Variants in TLE1 observed in about 807,000 individuals in gnomAD.
TLE1 encodes TLE family member 1, transcriptional corepressor.
A neutral mutation model predicts 89.8 loss-of-function variants in TLE1; 21 were observed. The ratio of observed to expected loss-of-function variants is 0.23; its 90% CI spans 0.17 to 0.34. The LOEUF is 0.34. Among genes scored for constraint, TLE1 ranks in the 10% least tolerant of loss-of-function variants. The pLI, the probability that TLE1 is intolerant of heterozygous loss-of-function variation, is 1.00. For missense variants in TLE1, 795 were observed against 1,031.2 expected (o/e 0.77, Z 3.14); for synonymous variants, 447 against 407.6 (o/e 1.10, Z -1.16).
At chr9:81,642,544 AT>A (rs1828262368) in intron 6 of TLE1, among the ~76,000 whole-genome samples, 1 of 140,924 alleles carries the variant, frequency 7.1e-6, no homozygotes, top group South Asian at 2.2e-4. Flanking sequence ...AAAAAAAAAA[AT>A]TAGCCAGGCA....
intron 4 of TLE1, among the ~76,000 whole-genome samples, chr9:81,661,963 TG>T (rs950855715): frequency 6.6e-5 from 10 of 152,192 alleles, no homozygotes; most frequent in East Asian, 5.8e-4. Context: ...GGAAGGCAAC[TG>T]GGCAATGTGT....
At position 81,688,263 on chromosome 9, in the gene TLE1, C is replaced by G; in HGVS notation, c.-23G>C. 1 of 1,569,292 alleles carries G rather than the reference C, an allele frequency of 6.4e-7. No individual in the cohort carries two copies. Among genetic ancestry groups the G allele is most frequent in the Non-Finnish European group, 8.6e-7 (1 of 1,161,118 alleles). On this transcript the variant is annotated 5_prime_UTR_variant, in exon 1 of 20. Transcript: ENST00000376499. ...CATCGCTCTGGCGGCGGCCGGGGCT[C>G]TGTTCCCCGGCAACTCAATTCTCCG... is the stretch of plus-strand genomic sequence containing the variant.
chr9:81,595,797 C>T (rs1397875186), intron 14 of TLE1, among the ~76,000 whole-genome samples: 10 of 127,296 alleles, frequency 7.9e-5, no homozygotes, highest in African/African-American at 2.1e-4. Context: ...CCAGCCTGGG[C>T]GACAGAGACT....
intron 2 of TLE1, 38 bp from the exon 3 acceptor site, chr9:81,685,934 T>C (rs773254946): frequency 1.9e-6 from 3 of 1,605,168 alleles, no homozygotes; most frequent in East Asian, 2.2e-5. Context: ...GTAAACATTA[T>C]GTCACTTGTT....
intron 16 of TLE1, among the ~76,000 whole-genome samples, chr9:81,588,466 C>G (rs115939653): frequency 1.8e-3 from 272 of 152,290 alleles, no homozygotes; most frequent in African/African-American, 6.3e-3. Context: ...CTCCTGACCT[C>G]AGAGGCATTG....
intron 8 of TLE1, chr9:81,621,070 G>A (rs1385855140): frequency 4.1e-6 from 1 of 242,534 alleles, no homozygotes; most frequent in Non-Finnish European, 8.4e-6. Flanking sequence ...GAACTCTTTT[G>A]AATTCTTTTA....
intron 4 of TLE1, among the ~76,000 whole-genome samples, chr9:81,668,151 G>C (rs1831733176): frequency 7.1e-6 from 1 of 141,624 alleles, no homozygotes; most frequent in Admixed American, 7.3e-5. Context: ...CTGGGCGACA[G>C]AACAAGACTG....
At chr9:81,639,848 T>A (rs1030610613) in intron 6 of TLE1, among the ~76,000 whole-genome samples, 2 of 152,158 alleles carry the variant, frequency 1.3e-5, no homozygotes, top group Non-Finnish European at 2.9e-5. Context: ...CCTCCCAAAG[T>A]GCTGGGATTA....
chr9:81,633,220 CTG>C (rs1451011921), intron 8 of TLE1, 126 bp downstream of exon 8: 137 of 1,453,500 alleles, frequency 9.4e-5, no homozygotes, highest in Non-Finnish European at 1.2e-4. Flanking sequence ...AGCCAGGTCA[CTG>C]AGAGAGACAG....
At chr9:81,620,067 T>C (rs1251288524) in intron 9 of TLE1, among the ~76,000 whole-genome samples, 1 of 152,090 alleles carries the variant, frequency 6.6e-6, no homozygotes, top group Non-Finnish European at 1.5e-5. Context: ...AAATGAAAAA[T>C]GCAGAGACCT....
At chr9:81,615,890 C>A in intron 11 of TLE1, 92 bp downstream of exon 11, 1 of 1,514,826 alleles carries the variant, frequency 6.6e-7, no homozygotes, top group Non-Finnish European at 9.0e-7. Context: ...CCTCAAGCAG[C>A]AAAACCCCCA....
At chr9:81,596,133 G>A (rs1014027178) in intron 14 of TLE1, among the ~76,000 whole-genome samples, 3 of 152,070 alleles carry the variant, frequency 2.0e-5, no homozygotes, top group East Asian at 1.9e-4. Context: ...AGTAACAGAC[G>A]GGAGATCTGT....
intron 4 of TLE1, among the ~76,000 whole-genome samples, chr9:81,654,489 C>T (rs1003937685): frequency 3.3e-5 from 5 of 152,222 alleles, no homozygotes; most frequent in Admixed American, 1.3e-4. Context: ...TACAGGCGCC[C>T]GCCACCACTC....
At chr9:81,646,931 GC>G (rs1392271121) in intron 6 of TLE1, among the ~76,000 whole-genome samples, 4 of 152,056 alleles carry the variant, frequency 2.6e-5, no homozygotes, top group Non-Finnish European at 4.4e-5. Flanking sequence ...TCCCATATAA[GC>G]CCCATATGCC....
Position 81,652,273 on chromosome 9 carries a change from C to A in TLE1, c.313G>T (p.Ala105Ser). Residue 105 changes from alanine (A) to serine (S), a missense_variant, in exon 6 of 20, where the codon GCC (alanine) becomes TCC (serine). This residue lies in a region of TLE1 where 66 missense variants were observed against 118.7 expected (regional missense o/e 0.56). Coordinates refer to ENST00000376499, the MANE Select transcript of TLE1 (RefSeq NM_005077.5). The stretch of plus-strand genomic sequence containing the variant: ...TGTTTGGCACGTTCAACAGCCTGGG[C>A]CACCTGTTGTTGATGCTTTGAAAAC... ...FLSQEHQQQV[A>S]QAVERAKQVT... 2.5e-6 allele frequency: 4 copies of A among 1,613,736 alleles called. No homozygotes were observed. The highest frequency in any genetic ancestry group is 3.4e-6 in the Non-Finnish European group (4 of 1,179,806).
rs562897922 is a variant in TLE1, at chr9:81,593,087, C to G, written c.1519G>C (p.Val507Leu). ...RHVYTGGKGC[V>L]KVWDISHPGN... ...GGGTGGCTGATGTCCCAGACCTTGA[C>G]GCAGCCCTTCCCGCCTGTGTACACG... The change falls in exon 15 of 20, where the codon GTC (valine) becomes CTC (leucine). Residue 507 changes from valine (V) to leucine (L), a missense_variant. By Grantham distance (32) the Val-to-Leu change is conservative (BLOSUM62 1). Around this residue, in one of 4 missense-constraint regions of TLE1, gnomAD observed 214 missense variants for 354.9 expected, o/e 0.60. Coordinates refer to ENST00000376499, the MANE Select transcript of TLE1 (RefSeq NM_005077.5). The G allele has an allele frequency of 3.1e-6, 5 of 1,614,146 alleles. No individual in the cohort carries two copies. Among genetic ancestry groups the G allele is most frequent in the East Asian group, 2.2e-5 (1 of 44,876 alleles).
At chr9:81,613,906 C>CTTTTTT (rs761514885) in intron 11 of TLE1, among the ~76,000 whole-genome samples, 51 of 89,896 alleles carry the variant, frequency 5.7e-4, no homozygotes, top group Non-Finnish European at 7.5e-4. Context: ...CTTTTCTTTT[C>CTTTTTT]TTTTTTTTTT....
Position 81,673,437 on chromosome 9 carries a change from A to G in TLE1, c.234+12239T>C, listed in dbSNP as rs559925163. Among the ~76,000 whole-genome samples, 5 of 152,184 alleles carry G rather than the reference A, an allele frequency of 3.3e-5. No individual in the cohort carries two copies. The South Asian group carries it at 1.0e-3, about 32-fold the overall frequency. On this transcript the variant is annotated intron_variant, in intron 4 of 19. Coordinates refer to ENST00000376499, the MANE Select transcript of TLE1 (RefSeq NM_005077.5). ...AGGAAGCTGGGTTTGCAAAAACAAA[A>G]CGGAAGTATCAGTGAAGCATGGCCT...
chr9:81,652,106 T>TACACACACACAC (rs3045544), intron 6 of TLE1, 108 bp downstream of exon 6: 8,258 of 696,034 alleles, frequency 0.012, 183 homozygotes, highest in African/African-American at 0.059. Context: ...AACGTTAAGA[T>TACACACACACAC]ACACACACAC....
Sources: gnomAD v4.1 joint callset for allele counts (sites outside exome capture counted in the v4.1 genomes callset) on GRCh38, gnomAD v4.1.1 for gene constraint, gnomAD v4.1.1 regional missense constraint, MANE v1.5 for transcripts, NCBI Gene and HGNC (gene_info 2026-07-23, HGNC 2026-07-21) for gene names.